OLFM3: variants seen among roughly 807,000 people sequenced by gnomAD.
The protein encoded by OLFM3 is olfactomedin 3.
OLFM3 carries 20 observed loss-of-function variants against 48.6 expected under a neutral mutation model. The ratio of observed to expected loss-of-function variants is 0.41; its 90% confidence interval spans 0.29 to 0.60. The LOEUF (loss-of-function observed/expected upper bound fraction) is 0.60. Among genes scored for constraint, OLFM3 ranks in the 20% least tolerant of loss-of-function variants. OLFM3 has a pLI of 0.28. For synonymous variants in OLFM3, 222 were observed against 198.1 expected (o/e 1.12, Z -1.01); for missense variants, 437 against 544.3 (o/e 0.80, Z 1.96).
chr1:101,980,012 T>C (rs1045371921), intron 1 of OLFM3, among the ~76,000 whole-genome samples: 1 of 152,218 alleles, frequency 6.6e-6, no homozygotes, highest in Non-Finnish European at 1.5e-5. Context: ...GTTTAATGAC[T>C]GCCCTTTGGA....
intron 4 of OLFM3, among the ~76,000 whole-genome samples, chr1:101,813,314 G>A (rs773400157): frequency 7.9e-5 from 12 of 152,050 alleles, no homozygotes; most frequent in Non-Finnish European, 1.6e-4. Flanking sequence ...AGTCTTCTTA[G>A]ATAACCTGAA....
At chr1:101,953,622 T>C (rs1001832129) in intron 1 of OLFM3, among the ~76,000 whole-genome samples, 1 of 152,192 alleles carries the variant, frequency 6.6e-6, no homozygotes, top group African/African-American at 2.4e-5. Flanking sequence ...CCAATTACCA[T>C]TAATCCTGTT....
At position 101,803,088 on chromosome 1, in the gene OLFM3, A is replaced by G. The variant is rs1003213549; in HGVS notation, c.*1150T>C. 6.6e-6 allele frequency: 1 copy of G among 151,942 alleles called. No individual in the cohort carries two copies. The highest frequency in any genetic ancestry group is 2.4e-5 in the African/African-American group (1 of 41,342). The allele number at this position is 151,942 out of a possible 1,614,324, so 9.4% of individuals were successfully genotyped here. A position where few individuals can be genotyped will look rare whatever the true frequency, so the allele number is the denominator to read the frequency against. On this transcript the variant is annotated 3_prime_UTR_variant, in exon 6 of 6. Transcript: ENST00000370103. Reference sequence around the variant, plus strand: ...ACAAAGACAACTCCCAAGTCTCCCCATATTTTATTTTGCACAAATCTTGCC... The same window carrying G: ...ACAAAGACAACTCCCAAGTCTCCCCGTATTTTATTTTGCACAAATCTTGCC...
At chr1:101,854,981 T>C (rs1424395157) in intron 1 of OLFM3, among the ~76,000 whole-genome samples, 2 of 152,098 alleles carry the variant, frequency 1.3e-5, no homozygotes, top group Admixed American at 1.3e-4. Flanking sequence ...AAAAGAAATG[T>C]ATGCATCTTC....
chr1:101,852,423 T>C (rs915025962), intron 1 of OLFM3, among the ~76,000 whole-genome samples: 3 of 152,160 alleles, frequency 2.0e-5, no homozygotes, highest in Non-Finnish European at 2.9e-5. Context: ...CTTTTTGAAA[T>C]AGTTTTTTCA....
intron 4 of OLFM3, chr1:101,813,223 C>T: frequency 2.1e-6 from 1 of 481,410 alleles, no homozygotes. Flanking sequence ...GCAATGAGTG[C>T]ACTAAATATT....
At chr1:101,989,642 T>TATTA (rs1332255737) in intron 1 of OLFM3, among the ~76,000 whole-genome samples, 4 of 152,140 alleles carry the variant, frequency 2.6e-5, no homozygotes, top group Non-Finnish European at 1.5e-5. Flanking sequence ...GAAAAAAAAT[T>TATTA]AACTCATGAG....
intron 1 of OLFM3, among the ~76,000 whole-genome samples, chr1:101,975,851 CAG>C (rs1318943885): frequency 6.6e-6 from 1 of 151,864 alleles, no homozygotes; most frequent in Non-Finnish European, 1.5e-5. Flanking sequence ...TACCCACACA[CAG>C]AGAGTTGAAA....
intron 1 of OLFM3, among the ~76,000 whole-genome samples, chr1:101,900,584 C>T (rs11802288): frequency 0.14 from 20,870 of 151,706 alleles, 1,528 homozygotes; most frequent in East Asian, 0.22. Flanking sequence ...AGTGTTTGGC[C>T]TGGACAAATC....
intron 1 of OLFM3, among the ~76,000 whole-genome samples, chr1:101,968,533 GAAAAAAA>G (rs3082438): frequency 0.034 from 3,999 of 118,518 alleles, 82 homozygotes; most frequent in Admixed American, 0.047. Flanking sequence ...TTTTTGTTCT[GAAAAAAA>G]AAAAAAAAAA....
At chr1:101,890,935 T>C (rs2101004685) in intron 1 of OLFM3, among the ~76,000 whole-genome samples, 1 of 152,002 alleles carries the variant, frequency 6.6e-6, no homozygotes, top group African/African-American at 2.4e-5. Context: ...AGACAGCAAA[T>C]ATTTCCACTT....
At chr1:101,969,091 T>C (rs969758331) in intron 1 of OLFM3, among the ~76,000 whole-genome samples, 3 of 152,182 alleles carry the variant, frequency 2.0e-5, no homozygotes, top group African/African-American at 7.2e-5. Context: ...GCAGGGCTAT[T>C]TGTCTTATTA....
intron 1 of OLFM3, among the ~76,000 whole-genome samples, chr1:101,927,414 T>G (rs1365220192): frequency 6.6e-6 from 1 of 152,014 alleles, no homozygotes; most frequent in Non-Finnish European, 1.5e-5. Flanking sequence ...ACTCGAAATT[T>G]TCTTTAAGAA....
At chr1:101,805,032 C>T in intron 5 of OLFM3, 117 bp from the exon 6 acceptor site, 1 of 766,752 alleles carries the variant, frequency 1.3e-6, no homozygotes. Flanking sequence ...GGAAGCCACA[C>T]TATCTTACTG....
intron 1 of OLFM3, among the ~76,000 whole-genome samples, chr1:101,928,946 T>C (rs150681774): frequency 4.3e-4 from 65 of 152,202 alleles, no homozygotes; most frequent in Non-Finnish European, 8.2e-4. Flanking sequence ...AACTTTCCTA[T>C]AATCCATTGT....
intron 1 of OLFM3, among the ~76,000 whole-genome samples, chr1:101,963,198 C>G (rs573680729): frequency 1.8e-4 from 27 of 152,310 alleles, no homozygotes; most frequent in African/African-American, 6.3e-4. Context: ...ATTACTCCCC[C>G]ATTGCCACCC....
At chr1:101,889,516 G>T (rs914887886) in intron 1 of OLFM3, among the ~76,000 whole-genome samples, 2 of 152,060 alleles carry the variant, frequency 1.3e-5, no homozygotes, top group African/African-American at 2.4e-5. Context: ...GTGGGTCAAG[G>T]GGGGAGGGAT....
chr1:101,861,080 G>C (rs1199090566), intron 1 of OLFM3, among the ~76,000 whole-genome samples: 1 of 151,424 alleles, frequency 6.6e-6, no homozygotes, highest in Non-Finnish European at 1.5e-5. Context: ...ATTTTTTTTT[G>C]AGACAAATTC....
intron 1 of OLFM3, among the ~76,000 whole-genome samples, chr1:101,896,013 G>A (rs1276732220): frequency 6.8e-6 from 1 of 147,320 alleles, no homozygotes; most frequent in Non-Finnish European, 1.5e-5. Flanking sequence ...ATAAAAGTAT[G>A]CATAGTATTT....
Sources: gnomAD v4.1 joint callset for allele counts (sites outside exome capture counted in the v4.1 genomes callset) on GRCh38, gnomAD v4.1.1 for gene constraint, MANE v1.5 for transcripts, NCBI Gene and HGNC (gene_info 2026-07-23, HGNC 2026-07-21) for gene names.